Variants in NRG1 observed in about 807,000 individuals in gnomAD.
The protein encoded by NRG1 is neuregulin 1, also known as pro-neuregulin-1, membrane-bound isoform.
Under a neutral mutation model 63.8 loss-of-function variants are expected in NRG1, and 18 were observed. That is an observed-to-expected ratio of 0.28 (90% confidence interval 0.19 to 0.42). NRG1 has a LOEUF of 0.42. Among genes scored for constraint, NRG1 ranks in the 10% least tolerant of loss-of-function variants. The pLI is 1.00. For synonymous variants in NRG1, 302 were observed against 301.3 expected, an observed-to-expected ratio of 1.00 and a Z score of -0.02; for missense variants, 762 against 814.7, an observed-to-expected ratio of 0.94 and a Z score of 0.79.
In NRG1 at chr8:31,648,923, G is replaced by T. The variant is rs558583119; in HGVS notation, c.37+9492G>T. 4.1e-4 allele frequency among the ~76,000 whole-genome samples: 63 copies of T among 152,000 alleles called. 1 individual carries two copies. In the South Asian group the frequency reaches 0.012, roughly 30 times the overall value. On this transcript the variant is annotated intron_variant, in intron 1 of 10. Transcript: ENST00000519301. ...TGGGTATATACACAGAAGCAGAATT[G>T]CTGAAACATATGGTAATTCTTTTTT...
intron 1 of NRG1, among the ~76,000 whole-genome samples, chr8:31,767,244 C>T (rs1377964691): frequency 2.0e-5 from 3 of 152,122 alleles, no homozygotes; most frequent in Admixed American, 2.0e-4. Flanking sequence ...AAGTGTAGAA[C>T]AAAAACACTG....
At chr8:32,756,511 G>C in exon 9 of NRG1, 1 of 1,612,444 alleles carries the variant, frequency 6.2e-7, no homozygotes, top group Non-Finnish European at 8.5e-7. Context: ...CACCCCCCGA[G>C]AATGTCCAGC....
chr8:31,982,455 T>C (rs547798948), intron 1 of NRG1, among the ~76,000 whole-genome samples: 20 of 152,094 alleles, frequency 1.3e-4, no homozygotes, highest in African/African-American at 4.3e-4. Context: ...ACCCAGAAGA[T>C]AGTGGGAATT....
At chr8:31,760,757 A>G (rs890718627) in intron 1 of NRG1, among the ~76,000 whole-genome samples, 2 of 152,166 alleles carry the variant, frequency 1.3e-5, no homozygotes, top group Non-Finnish European at 2.9e-5. Context: ...ATGAGATACC[A>G]TCTCACACCA....
chr8:32,586,806 T>C (rs555185501), intron 1 of NRG1, among the ~76,000 whole-genome samples: 1 of 152,262 alleles, frequency 6.6e-6, no homozygotes, highest in Admixed American at 6.5e-5. Flanking sequence ...TTTGACCAAA[T>C]AGTAATTTTG....
At chr8:32,651,787 G>A (rs964077678) in intron 5 of NRG1, among the ~76,000 whole-genome samples, 6 of 152,070 alleles carry the variant, frequency 3.9e-5, no homozygotes, top group African/African-American at 1.2e-4. Flanking sequence ...TGAAAGTGCC[G>A]TTCATTTAAA....
chr8:32,565,945 G>A (rs904070499), intron 1 of NRG1, among the ~76,000 whole-genome samples: 25 of 152,128 alleles, frequency 1.6e-4, no homozygotes, highest in African/African-American at 4.8e-4. Flanking sequence ...TGGGTACTTG[G>A]AAACTTACCG....
intron 5 of NRG1, among the ~76,000 whole-genome samples, chr8:32,670,243 A>C (rs1805279856): frequency 6.6e-6 from 1 of 152,196 alleles, no homozygotes; most frequent in South Asian, 2.1e-4. Flanking sequence ...AGATGTATTT[A>C]GGGTTTGAGG....
chr8:31,924,510 T>A (rs1834175617), intron 1 of NRG1, among the ~76,000 whole-genome samples: 1 of 152,120 alleles, frequency 6.6e-6, no homozygotes, highest in African/African-American at 2.4e-5. Context: ...TTTTCCTCAA[T>A]AAGGCTTGTT....
chr8:32,620,738 C>A (rs995161693), intron 5 of NRG1, among the ~76,000 whole-genome samples: 1 of 151,900 alleles, frequency 6.6e-6, no homozygotes, highest in African/African-American at 2.4e-5. Context: ...GGGAGGATCA[C>A]CTGAGCCCGG....
chr8:32,361,241 A>G (rs1286855077), intron 1 of NRG1, among the ~76,000 whole-genome samples: 1 of 152,142 alleles, frequency 6.6e-6, no homozygotes, highest in Non-Finnish European at 1.5e-5. Context: ...CAAGCAGACA[A>G]CATGGCGCCA....
intron 1 of NRG1, among the ~76,000 whole-genome samples, chr8:32,161,706 G>A (rs1838850926): frequency 6.6e-6 from 1 of 152,152 alleles, no homozygotes; most frequent in African/African-American, 2.4e-5. Context: ...TGGTTGGGTT[G>A]TTCCTTAAAG....
At chr8:31,689,182 T>G (rs1809226115) in intron 1 of NRG1, among the ~76,000 whole-genome samples, 1 of 152,170 alleles carries the variant, frequency 6.6e-6, no homozygotes, top group African/African-American at 2.4e-5. Context: ...CAATCTAAAT[T>G]CCATATGCAC....
Position 32,648,044 on chromosome 8 carries a change from T to C in NRG1, c.502+31159T>C, listed in dbSNP as rs759486292. On this transcript the variant is annotated intron_variant, in intron 5 of 11. Transcript: ENST00000356819. ...ACAAGATCTTTGAATATGACTCTCC[T>C]ACTCACCTTGACCCTGGGGGGTTAG... The C allele has an allele frequency of 5.6e-6, 9 of 1,614,114 alleles. 1 individual carries two copies. The South Asian group carries it at 9.9e-5, about 18-fold the overall frequency.
At chr8:32,691,010 G>A (rs1413010018) in intron 5 of NRG1, among the ~76,000 whole-genome samples, 1 of 149,298 alleles carries the variant, frequency 6.7e-6, no homozygotes, top group South Asian at 2.1e-4. Flanking sequence ...ACTCCCCCAA[G>A]AAAAGACAAT....
At chr8:31,801,007 T>A (rs1165758327) in intron 1 of NRG1, among the ~76,000 whole-genome samples, 1 of 65,656 alleles carries the variant, frequency 1.5e-5, no homozygotes, top group African/African-American at 4.5e-5. Context: ...CGCCCGCCAA[T>A]TTTTTTGTAT....
chr8:31,854,277 C>T (rs1053534772), intron 1 of NRG1, among the ~76,000 whole-genome samples: 12 of 152,124 alleles, frequency 7.9e-5, no homozygotes, highest in Non-Finnish European at 1.5e-4. Flanking sequence ...TTGATTACTG[C>T]CACAATTTCA....
chr8:31,662,377 A>T (rs1806077319), intron 1 of NRG1, among the ~76,000 whole-genome samples: 1 of 152,238 alleles, frequency 6.6e-6, no homozygotes, highest in Non-Finnish European at 1.5e-5. Flanking sequence ...ACTTTTCCTG[A>T]TGAATGAAGG....
rs529043294 is a variant in NRG1 at position 31,893,470 on chromosome 8, C to T, written c.37+254039C>T. 7.3e-5 allele frequency among the ~76,000 whole-genome samples: 11 copies of T among 151,080 alleles called. No homozygotes were observed. In the South Asian group the frequency reaches 1.0e-3, roughly 14 times the overall value. On this transcript the variant is annotated intron_variant, in intron 1 of 10. Coordinates refer to the NRG1 transcript ENST00000519301. ...GTATATTTGCTATATAAATGGTAAA[C>T]GTTTTATATGTCAAAAATCATTTGT...
Sources: gnomAD v4.1 joint callset for allele counts (sites outside exome capture counted in the v4.1 genomes callset) on GRCh38, gnomAD v4.1.1 for gene constraint, MANE v1.5 for transcripts, NCBI Gene and HGNC (gene_info 2026-07-23, HGNC 2026-07-21) for gene names.